SLC38A9: variants seen among roughly 807,000 people sequenced by gnomAD.
SLC38A9 encodes the protein neutral amino acid transporter 9.
Under a neutral mutation model 62.3 loss-of-function variants are expected in SLC38A9, and 48 were observed. The observed-to-expected ratio is 0.77, with a 90% CI of 0.61 to 0.98. The LOEUF is 0.98. Ranked by LOEUF, SLC38A9 falls within the 50% of genes least tolerant of loss-of-function variation. The probability of loss-of-function intolerance (pLI) is 0.00; values close to 1 mark genes in which losing one functional copy is unlikely to be tolerated. For synonymous variants in SLC38A9, 204 were observed against 227.7 expected (o/e 0.90, Z 0.94); for missense variants, 541 against 679.8 (o/e 0.80, Z 2.27).
intron 3 of SLC38A9, among the ~76,000 whole-genome samples, chr5:55,687,085 T>C (rs1753976903): frequency 6.9e-6 from 1 of 144,758 alleles, no homozygotes; most frequent in African/African-American, 2.5e-5. Context: ...TTTTTTTTTT[T>C]TTTTTGCTTA....
chr5:55,659,378 G>GTTTTTTTTTTTTTTTTTTTTTTTTTTTTT (rs35686566), intron 8 of SLC38A9, among the ~76,000 whole-genome samples: 1 of 125,572 alleles, frequency 8.0e-6, no homozygotes, highest in African/African-American at 2.9e-5. Context: ...AACTGGAAAG[G>GTTTTTTTTTTTTTTTTTTTTTTTTTTTTT]TTTTTTTTTT....
intron 14 of SLC38A9, among the ~76,000 whole-genome samples, chr5:55,632,037 A>G (rs1255097060): frequency 6.6e-6 from 1 of 152,208 alleles, no homozygotes; most frequent in Non-Finnish European, 1.5e-5. Context: ...TTCATCCCTA[A>G]TAAGAGGTTA....
intron 8 of SLC38A9, among the ~76,000 whole-genome samples, chr5:55,662,729 T>TATTC (rs1260976692): frequency 1.3e-5 from 2 of 148,502 alleles, no homozygotes; most frequent in Non-Finnish European, 3.0e-5. Context: ...GTTGCTCATA[T>TATTC]ATTCATGTAG....
chr5:55,649,429 T>G, intron 10 of SLC38A9, 115 bp from the exon 11 acceptor site: 2 of 582,414 alleles, frequency 3.4e-6, no homozygotes, highest in South Asian at 6.6e-5. Flanking sequence ...TTAACTGCAT[T>G]GATTATCTCC....
intron 1 of SLC38A9, among the ~76,000 whole-genome samples, chr5:55,711,863 CCTT>C (rs1758093693): frequency 1.3e-5 from 2 of 152,340 alleles, no homozygotes; most frequent in African/African-American, 4.8e-5. Flanking sequence ...CCTACTCCCT[CCTT>C]CTCTCACCCG....
chr5:55,635,505 G>A, intron 13 of SLC38A9, 39 bp downstream of exon 13: 1 of 1,390,396 alleles, frequency 7.2e-7, no homozygotes, highest in Middle Eastern at 1.8e-4. Flanking sequence ...ATACATGAAA[G>A]TGTACACAAT....
At chr5:55,630,648 A>AT (rs1234182618) in intron 14 of SLC38A9, among the ~76,000 whole-genome samples, 2 of 151,938 alleles carry the variant, frequency 1.3e-5, no homozygotes, top group Non-Finnish European at 2.9e-5. Flanking sequence ...AGTTATTTTT[A>AT]TTTTTTTAAA....
rs3072768 is a variant in SLC38A9 at position 55,661,444 on chromosome 5, C to CAA, written c.697+3247_697+3248dup. On this transcript the variant is annotated intron_variant, in intron 8 of 15. Coordinates refer to ENST00000396865, the MANE Select transcript of SLC38A9 (RefSeq NM_173514.4). ...TGGGTGACAGAGCAAGACTCCGTCT[C>CAA]AAAAAAAAAAAAAAAAAAAAAAAAA... Among the ~76,000 whole-genome samples the CAA allele has an allele frequency of 6.4e-4, 43 of 67,668 alleles. 2 individuals are homozygous for CAA. Among genetic ancestry groups the CAA allele is most frequent in the African/African-American group, 1.9e-3 (31 of 16,276 alleles). 44.4% of individuals were successfully genotyped at this position (67,668 alleles called of 152,430 possible). A position where few individuals can be genotyped will look rare whatever the true frequency, so the allele number is the denominator to read the frequency against.
At chr5:55,652,983 C>T (rs9687085) in intron 9 of SLC38A9, among the ~76,000 whole-genome samples, 98,362 of 151,828 alleles carry the variant, frequency 0.65, 32,098 homozygotes, top group South Asian at 0.73. Flanking sequence ...TATTTATTTT[C>T]TGAGACAGAG....
chr5:55,685,752 A>C (rs1225624340), intron 3 of SLC38A9, among the ~76,000 whole-genome samples: 1 of 152,116 alleles, frequency 6.6e-6, no homozygotes, highest in East Asian at 1.9e-4. Context: ...AGTATCCATC[A>C]GTTATTTTTC....
intron 11 of SLC38A9, among the ~76,000 whole-genome samples, chr5:55,648,318 A>G (rs539860884): frequency 9.2e-5 from 14 of 152,230 alleles, no homozygotes; most frequent in Non-Finnish European, 2.1e-4. Context: ...ATTTTTGGCT[A>G]TTATGAATAA....
intron 3 of SLC38A9, among the ~76,000 whole-genome samples, chr5:55,673,709 C>CTTT (rs201596512): frequency 2.4e-5 from 3 of 127,602 alleles, no homozygotes; most frequent in Admixed American, 7.9e-5. Flanking sequence ...TTAATCTAAT[C>CTTT]TTTTTTTTTT....
intron 2 of SLC38A9, chr5:55,702,992 C>G (rs1014155336): frequency 1.3e-5 from 2 of 151,974 alleles, no homozygotes; most frequent in African/African-American, 4.8e-5. Context: ...CATTTCCAAA[C>G]AAGAAGGGCT....
At chr5:55,677,924 TATTGTGTGTG>T (rs1481644291) in intron 3 of SLC38A9, among the ~76,000 whole-genome samples, 6 of 115,786 alleles carry the variant, frequency 5.2e-5, no homozygotes, top group East Asian at 5.9e-4. Context: ...TTTTTTTCTT[TATTGTGTGTG>T]TGTGTGTGTG....
chr5:55,691,794 G>A (rs567456355), intron 3 of SLC38A9, among the ~76,000 whole-genome samples: 2 of 152,280 alleles, frequency 1.3e-5, no homozygotes, highest in Non-Finnish European at 2.9e-5. Context: ...GAAAACTGGT[G>A]GGGGAGGGGT....
intron 14 of SLC38A9, 140 bp from the exon 15 acceptor site, chr5:55,628,120 A>G: frequency 1.7e-6 from 1 of 596,614 alleles, no homozygotes; most frequent in Non-Finnish European, 3.0e-6. Flanking sequence ...CAGCAAAAAT[A>G]GAAGGTAACA....
chr5:55,673,623 C>CA (rs11378337), intron 3 of SLC38A9, among the ~76,000 whole-genome samples: 98,259 of 151,730 alleles, frequency 0.65, 32,044 homozygotes, highest in South Asian at 0.73. Flanking sequence ...ATTGGTTCCA[C>CA]TAACTCCTCT....
chr5:55,679,157 T>C (rs1752651926), intron 3 of SLC38A9, among the ~76,000 whole-genome samples: 1 of 152,078 alleles, frequency 6.6e-6, no homozygotes, highest in South Asian at 2.1e-4. Flanking sequence ...TATGTAAGTA[T>C]AGAAGTATAT....
At chr5:55,672,958 C>G in intron 3 of SLC38A9, 1 of 352,148 alleles carries the variant, frequency 2.8e-6, no homozygotes, top group Non-Finnish European at 5.1e-6. Context: ...GAAGACAAAA[C>G]AGAAAGAACT....
Sources: allele counts gnomAD v4.1 joint callset (sites outside exome capture counted in the v4.1 genomes callset), GRCh38; gene constraint gnomAD v4.1.1; transcripts MANE v1.5; gene names NCBI Gene and HGNC (gene_info 2026-07-23, HGNC 2026-07-21).